ZBTB10: variants seen among roughly 807,000 people sequenced by gnomAD.
The protein encoded by ZBTB10 is zinc finger and BTB domain containing 10.
ZBTB10 carries 32 observed loss-of-function variants against 76.4 expected under a neutral mutation model. The ratio of observed to expected loss-of-function variants is 0.42; its 90% CI spans 0.32 to 0.56. ZBTB10 has a LOEUF of 0.56. Ranked by LOEUF, ZBTB10 falls within the 20% of genes least tolerant of loss-of-function variation. ZBTB10 has a pLI of 0.14. For missense variants in ZBTB10, 1,057 were observed against 1,098.5 expected (o/e 0.96, Z 0.53); for synonymous variants, 523 against 432.9 (o/e 1.21, Z -2.58).
chr8:80,522,375 A>G lies in ZBTB10; in HGVS notation c.*2847A>G, dbSNP rs988844905. 22 of 152,062 alleles carry G rather than the reference A, an allele frequency of 1.4e-4. No homozygotes were observed. Among genetic ancestry groups the G allele is most frequent in the African/African-American group, 5.1e-4 (21 of 41,560 alleles). The allele number at this position is 152,062 out of a possible 1,614,324, so 9.4% of individuals were successfully genotyped here. On this transcript the variant is annotated 3_prime_UTR_variant, in exon 6 of 6. Coordinates refer to ENST00000455036, the MANE Select transcript of ZBTB10 (RefSeq NM_001105539.3). The stretch of plus-strand genomic sequence containing the variant: ...ATGAAAAAGTATTTTAGAGCTTTTA[A>G]TGAAGGGGAAGAGTATAAACTTTCT...
In ZBTB10 at chr8:80,519,533, CCTA is replaced by C; in HGVS notation, c.*9_*11del. The C allele has an allele frequency of 6.2e-7, 1 of 1,603,032 alleles. No homozygotes were observed. On this transcript the variant is annotated 3_prime_UTR_variant, in exon 6 of 6. Transcript: ENST00000455036. ...TGTATGTCTCTAGATGATTAACTGA[CCTA>C]CTATACTCCTCAAGGATGCTGCATT...
chr8:80,505,939 T>G (rs1490226369), intron 2 of ZBTB10, among the ~76,000 whole-genome samples: 1 of 140,448 alleles, frequency 7.1e-6, no homozygotes, highest in South Asian at 2.2e-4. Context: ...TTTTTTTTTT[T>G]AAGTAAAGGT....
rs1394990718 is a variant in ZBTB10, at chr8:80,519,195, A to G, written c.2311-28A>G. On this transcript the variant is annotated intron_variant, in intron 5 of 5. Transcript: ENST00000455036. ...GCATTCTATTATATATAATATCCTT[A>G]TATTGGATTTTTTCCCCCTCCAATT... The G allele has an allele frequency of 8.1e-6, 13 of 1,599,582 alleles. No individual in the cohort carries two copies. In the South Asian group the frequency reaches 1.3e-4, roughly 17 times the overall value.
chr8:80,515,315 A>T (rs1816299721), intron 3 of ZBTB10, among the ~76,000 whole-genome samples: 1 of 152,196 alleles, frequency 6.6e-6, no homozygotes, highest in Admixed American at 6.5e-5. Context: ...TAGCTTTGGA[A>T]TTCTTTTCAA....
intron 4 of ZBTB10, 47 bp downstream of exon 4, chr8:80,518,626 T>A (rs1415581118): frequency 1.3e-6 from 2 of 1,513,364 alleles, no homozygotes; most frequent in African/African-American, 1.4e-5. Context: ...TAAATAATTG[T>A]TAACAATTAA....
intron 3 of ZBTB10, among the ~76,000 whole-genome samples, chr8:80,514,689 A>G (rs1173127254): frequency 6.6e-6 from 1 of 152,206 alleles, no homozygotes; most frequent in African/African-American, 2.4e-5. Flanking sequence ...GGATTCCCAT[A>G]GATGATTTCC....
intron 1 of ZBTB10, among the ~76,000 whole-genome samples, chr8:80,492,160 TTTC>T (rs1464978140): frequency 7.2e-5 from 11 of 152,238 alleles, no homozygotes; most frequent in African/African-American, 2.2e-4. Flanking sequence ...AATTCCGTTG[TTTC>T]TTATTTATAT....
intron 3 of ZBTB10, among the ~76,000 whole-genome samples, chr8:80,516,865 T>C (rs996858111): frequency 5.3e-5 from 8 of 152,212 alleles, no homozygotes; most frequent in Non-Finnish European, 1.2e-4. Flanking sequence ...GAAATCCATT[T>C]GGGTAAACAT....
Position 80,500,278 on chromosome 8 carries a change from A to G in ZBTB10, c.1757A>G (p.Tyr586Cys). ...AACCAAACTACAAAAAGATTTATTT[A>G]TAATATTCCACCTAATAATGAAACG... ...RKNQTTKRFI[Y>C]NIPPNNETNL... The change falls in exon 2 of 6, where the codon TAT (tyrosine) becomes TGT (cysteine). Residue 586 changes from tyrosine (Y) to cysteine (C), a missense_variant. By Grantham distance (194) the Tyr-to-Cys change is radical. Transcript: ENST00000455036. 1 of 1,574,898 alleles carries G rather than the reference A, an allele frequency of 6.3e-7. No homozygotes were observed. Among genetic ancestry groups the G allele is most frequent in the Non-Finnish European group, 8.6e-7 (1 of 1,159,628 alleles).
chr8:80,519,648 T>A lies in ZBTB10; in HGVS notation c.*120T>A. The stretch of plus-strand genomic sequence containing the variant: ...ATGCTGGATAGTAGTTATGTTGCTG[T>A]GAAAACTGTAGGGTCAAAGCCTTAT... On this transcript the variant is annotated 3_prime_UTR_variant, in exon 6 of 6. Coordinates refer to ENST00000455036, the MANE Select transcript of ZBTB10 (RefSeq NM_001105539.3). 1.7e-6 allele frequency: 2 copies of A among 1,204,684 alleles called. No homozygotes were observed. The highest frequency in any genetic ancestry group is 1.6e-5 in the South Asian group (1 of 61,756). The allele number at this position is 1,204,684 out of a possible 1,614,324, so 74.6% of individuals were successfully genotyped here. A position where few individuals can be genotyped will look rare whatever the true frequency, so the allele number is the denominator to read the frequency against.
intron 1 of ZBTB10, among the ~76,000 whole-genome samples, chr8:80,494,492 C>A (rs1040699674): frequency 1.3e-5 from 2 of 152,202 alleles, no homozygotes; most frequent in African/African-American, 4.8e-5. Context: ...TCTCCCTCCA[C>A]CCTTTACATC....
rs1049928120 is a variant in ZBTB10, at chr8:80,499,507, C to T, written c.986C>T (p.Pro329Leu). The change falls in exon 2 of 6, where the codon CCA becomes CTA. Residue 329 changes from proline (P) to leucine (L), a missense_variant. Physicochemically the swap from Pro to Leu is moderately conservative, Grantham distance 98. This residue lies in a region of ZBTB10 where 86 missense variants were observed against 145.7 expected (regional missense o/e 0.59). Coordinates refer to ENST00000455036, the MANE Select transcript of ZBTB10 (RefSeq NM_001105539.3). The stretch of plus-strand genomic sequence containing the variant: ...ATCCAATTACAGGAGTCAGAAATAC[C>T]ATCAGAGGAGGGGTACTGTGACTTT... ...HEANAQESEI[P>L]SEEGYCDFNS... 3 of 1,587,434 alleles carry T rather than the reference C, an allele frequency of 1.9e-6. No individual in the cohort carries two copies. The African/African-American group carries it at 4.1e-5, about 22-fold the overall frequency.
rs1169270573 is a variant in ZBTB10, at chr8:80,486,393, CTG to C, written c.-413_-412del. On this transcript the variant is annotated 5_prime_UTR_variant, in exon 1 of 6. Transcript: ENST00000455036. The stretch of plus-strand genomic sequence containing the variant: ...TCCTCGGCGCGCGGAGGAAGGATAT[CTG>C]TGTGGAGGATCGGTGTGTGCGCGCG... 1.0e-6 allele frequency: 1 copy of C among 989,360 alleles called. No homozygotes were observed. The highest frequency in any genetic ancestry group is 1.2e-6 in the Non-Finnish European group (1 of 833,424). The allele number at this position is 989,360 out of a possible 1,614,324, so 61.3% of individuals were successfully genotyped here.
At chr8:80,511,295 T>A (rs1258249542) in intron 2 of ZBTB10, among the ~76,000 whole-genome samples, 1 of 152,316 alleles carries the variant, frequency 6.6e-6, no homozygotes, top group African/African-American at 2.4e-5. Context: ...GGGTAGGAGA[T>A]AGGAAATGCC....
At position 80,518,822 on chromosome 8, in the gene ZBTB10, T is replaced by C. The variant is rs958801269; in HGVS notation, c.2178T>C (p.His726=). 18 of 1,612,892 alleles carry C rather than the reference T, an allele frequency of 1.1e-5. No individual in the cohort carries two copies. The highest frequency in any genetic ancestry group is 1.5e-5 in the Non-Finnish European group (18 of 1,179,428). ...SLIMNKLKCP[H]CSYVAKYRRT... is the part of the protein sequence containing the mutation. ...TCATGAACAAGTTAAAATGCCCTCA[T>C]TGTAGCTATGTAGCCAAATACAGAC... Residue 726 remains histidine, a synonymous_variant, in exon 5 of 6, where the codon CAT becomes CAC. Transcript: ENST00000455036.
chr8:80,514,705 C>T (rs1472359828), intron 3 of ZBTB10, among the ~76,000 whole-genome samples: 1 of 152,064 alleles, frequency 6.6e-6, no homozygotes, highest in Non-Finnish European at 1.5e-5. Flanking sequence ...TTTCCACTTG[C>T]AAAGGGGAAA....
intron 2 of ZBTB10, among the ~76,000 whole-genome samples, chr8:80,507,648 G>A (rs1353895570): frequency 6.6e-6 from 1 of 152,178 alleles, no homozygotes; most frequent in East Asian, 1.9e-4. Context: ...CCAGGCTGGA[G>A]TGCAGTGATC....
At chr8:80,500,679 C>G (rs1013467841) in intron 2 of ZBTB10, among the ~76,000 whole-genome samples, 1 of 152,120 alleles carries the variant, frequency 6.6e-6, no homozygotes, top group African/African-American at 2.4e-5. Flanking sequence ...TCATTTTTAG[C>G]CTCTGTGCTC....
rs1815887322 is a variant in ZBTB10 at position 80,500,208 on chromosome 8, A to G, written c.1687A>G (p.Met563Val). Residue 563 changes from methionine to valine, a missense_variant, in exon 2 of 6, where the codon ATG (methionine) becomes GTG (valine). By Grantham distance (21) the Met-to-Val change is conservative (BLOSUM62 1). Coordinates refer to ENST00000455036, the MANE Select transcript of ZBTB10 (RefSeq NM_001105539.3). ...GQTKVFIWNNMGSQGIQETGK... is the reference protein window; with the variant it reads ...GQTKVFIWNNVGSQGIQETGK... ...AACAAAAGTGTTTATTTGGAATAAT[A>G]TGGGCTCCCAGGGAATTCAAGAGAC... 6.2e-7 allele frequency: 1 copy of G among 1,601,274 alleles called. No homozygotes were observed. Among genetic ancestry groups the G allele is most frequent in the Middle Eastern group, 1.7e-4 (1 of 6,050 alleles).
Sources: allele counts gnomAD v4.1 joint callset (sites outside exome capture counted in the v4.1 genomes callset), GRCh38; gene constraint gnomAD v4.1.1; regional missense constraint gnomAD v4.1.1; transcripts MANE v1.5; gene names NCBI Gene and HGNC (gene_info 2026-07-23, HGNC 2026-07-21).